PKNOX1: variants seen among roughly 807,000 people sequenced by gnomAD.
The protein encoded by PKNOX1 is homeobox protein PKNOX1.
In PKNOX1, 15 loss-of-function variants were observed where a neutral mutation model predicts 51.9. That is an observed-to-expected ratio of 0.29 (90% CI 0.19 to 0.45). The LOEUF (loss-of-function observed/expected upper bound fraction) is 0.45. Among genes scored for constraint, PKNOX1 ranks in the 20% least tolerant of loss-of-function variants. PKNOX1 has a pLI of 1.00. For missense variants in PKNOX1, 462 were observed against 547.5 expected (o/e 0.84, Z 1.56); for synonymous variants, 219 against 211.1 (o/e 1.04, Z -0.32).
intron 9 of PKNOX1, among the ~76,000 whole-genome samples, chr21:43,026,616 G>A (rs563385316): frequency 4.6e-5 from 7 of 152,294 alleles, no homozygotes; most frequent in South Asian, 2.1e-4. Context: ...AATTAGCTGC[G>A]TGTGGTGGTG....
intron 1 of PKNOX1, among the ~76,000 whole-genome samples, chr21:42,986,866 G>C (rs538619670): frequency 6.6e-6 from 1 of 152,222 alleles, no homozygotes; most frequent in African/African-American, 2.4e-5. Flanking sequence ...AATTACCCTA[G>C]AATTTCCAGT....
At chr21:43,020,543 G>A (rs1022937627) in intron 7 of PKNOX1, 2 of 152,272 alleles carry the variant, frequency 1.3e-5, no homozygotes, top group Non-Finnish European at 1.5e-5. Context: ...GGTGACAGGA[G>A]GGAAGGTCCG....
intron 6 of PKNOX1, 33 bp downstream of exon 6, chr21:43,017,040 T>C: frequency 6.9e-7 from 1 of 1,441,766 alleles, no homozygotes; most frequent in East Asian, 2.3e-5. Flanking sequence ...ACACTCTCCA[T>C]GAGTTTTTGC....
chr21:42,986,483 C>T (rs922136513), intron 1 of PKNOX1, among the ~76,000 whole-genome samples: 1 of 151,918 alleles, frequency 6.6e-6, no homozygotes, highest in African/African-American at 2.4e-5. Flanking sequence ...CCTGGGTGAC[C>T]GAGTGAGACT....
chr21:42,984,083 C>CGTGTGT (rs61381629), intron 1 of PKNOX1, among the ~76,000 whole-genome samples: 3 of 149,716 alleles, frequency 2.0e-5, no homozygotes, highest in African/African-American at 7.4e-5. Flanking sequence ...CGTGTGTGTG[C>CGTGTGT]GTGTGTGTGT....
chr21:43,021,138 G>A lies in PKNOX1; in HGVS notation c.721-165G>A, dbSNP rs1601300060. 2 of 496,386 alleles carry A rather than the reference G, an allele frequency of 4.0e-6. No individual in the cohort carries two copies. The highest frequency in any genetic ancestry group is 7.2e-5 in the East Asian group (2 of 27,858). The allele number at this position is 496,386 out of a possible 1,614,324, so 30.7% of individuals were successfully genotyped here. A position where few individuals can be genotyped will look rare whatever the true frequency, so the allele number is the denominator to read the frequency against. On this transcript the variant is annotated intron_variant, in intron 7 of 10. Transcript: ENST00000291547. The surrounding 1 kb of genome is among the most constrained non-coding windows in gnomAD (Gnocchi z 4.6). Reference sequence around the variant, plus strand: ...AAAAGAAAGGCTGGTCATGTGGAGGGAGCCGTGTCCTGAAACATCAGTCCA... The same window carrying A: ...AAAAGAAAGGCTGGTCATGTGGAGGAAGCCGTGTCCTGAAACATCAGTCCA...
rs1555862658 is a variant in PKNOX1 at position 43,018,469 on chromosome 21, G to GCGCCCCCCCCCCCCCCCCC, written c.720+240_720+241insGCCCCCCCCCCCCCCCCCC. 1.8e-4 allele frequency among the ~76,000 whole-genome samples: 2 copies of GCGCCCCCCCCCCCCCCCCC among 11,046 alleles called. 1 individual carries two copies. Among genetic ancestry groups the GCGCCCCCCCCCCCCCCCCC allele is most frequent in the Non-Finnish European group, 3.8e-4 (2 of 5,284 alleles). The allele number at this position is 11,046 out of a possible 152,430, so 7.2% of individuals were successfully genotyped here. ...AAAAAGTCACTCATAACCACCCCCT[G>GCGCCCCCCCCCCCCCCCCC]CCACCCACACACACACACACACACA... On this transcript the variant is annotated intron_variant, in intron 7 of 10. Transcript: ENST00000291547.
At chr21:42,988,147 G>A (rs938210183) in intron 1 of PKNOX1, among the ~76,000 whole-genome samples, 1 of 151,852 alleles carries the variant, frequency 6.6e-6, no homozygotes, top group African/African-American at 2.4e-5. Context: ...TCTGCCTCCC[G>A]GGTTCAAGTG....
intron 7 of PKNOX1, chr21:43,020,656 C>T (rs1438960950): frequency 6.5e-6 from 1 of 152,918 alleles, no homozygotes; most frequent in South Asian, 2.1e-4. Flanking sequence ...TTTCTTTCCC[C>T]TCTGCTCCCC....
At chr21:43,009,923 C>G (rs183800967) in intron 3 of PKNOX1, 130 bp from the exon 4 acceptor site, 9 of 493,402 alleles carry the variant, frequency 1.8e-5, no homozygotes, top group African/African-American at 1.6e-4. Flanking sequence ...ATACTTTCAA[C>G]GGGTGGACCG....
At chr21:43,000,746 G>A (rs1422405972) in intron 1 of PKNOX1, among the ~76,000 whole-genome samples, 1 of 152,162 alleles carries the variant, frequency 6.6e-6, no homozygotes, top group Non-Finnish European at 1.5e-5. Context: ...AAGCCAGCAT[G>A]GTGGTGTGGG....
At chr21:43,028,941 G>T (rs940717580) in intron 10 of PKNOX1, 67 bp downstream of exon 10, 1 of 1,473,234 alleles carries the variant, frequency 6.8e-7, no homozygotes. Context: ...AAGAGGCCTG[G>T]ATCAGGCCTG....
chr21:43,025,656 T>C (rs1979956484), intron 9 of PKNOX1, among the ~76,000 whole-genome samples: 1 of 152,226 alleles, frequency 6.6e-6, no homozygotes, highest in African/African-American at 2.4e-5. Flanking sequence ...TTTTGGTTAT[T>C]AGTCACTTGT....
At chr21:43,028,409 T>A (rs1980075070) in intron 9 of PKNOX1, among the ~76,000 whole-genome samples, 1 of 151,582 alleles carries the variant, frequency 6.6e-6, no homozygotes, top group African/African-American at 2.4e-5. Context: ...TATGTCGTTA[T>A]GAGTATCTAG....
chr21:42,974,687 C>A, intron 1 of PKNOX1, 23 bp downstream of exon 1: 1 of 161,858 alleles, frequency 6.2e-6, no homozygotes, highest in Non-Finnish European at 1.3e-5. Flanking sequence ...TCAACCGCTC[C>A]GCCGCCGCCG....
intron 1 of PKNOX1, among the ~76,000 whole-genome samples, chr21:42,999,673 G>T (rs1978662048): frequency 6.6e-6 from 1 of 151,946 alleles, no homozygotes; most frequent in African/African-American, 2.4e-5. Flanking sequence ...TAGAGACGGG[G>T]TTTCTCCATG....
At chr21:43,017,880 C>A in intron 6 of PKNOX1, 1 of 340,624 alleles carries the variant, frequency 2.9e-6, no homozygotes, top group Non-Finnish European at 5.4e-6. Context: ...GATTAAAAAG[C>A]TCATCAAACC....
At chr21:42,993,169 G>C (rs1360264884) in intron 1 of PKNOX1, among the ~76,000 whole-genome samples, 3 of 152,148 alleles carry the variant, frequency 2.0e-5, no homozygotes, top group Admixed American at 6.5e-5. Flanking sequence ...TGTCTCGATG[G>C]GAGAAATGCC....
chr21:43,004,578 AG>A, intron 2 of PKNOX1, 146 bp downstream of exon 2: 1 of 495,538 alleles, frequency 2.0e-6, no homozygotes, highest in Non-Finnish European at 3.5e-6. Context: ...ATTCGTGTTC[AG>A]AAAAAAAGCC....
Sources: allele counts gnomAD v4.1 joint callset (sites outside exome capture counted in the v4.1 genomes callset), GRCh38; gene constraint gnomAD v4.1.1; non-coding constraint Gnocchi (gnomAD v3.1); transcripts MANE v1.5; gene names NCBI Gene and HGNC (gene_info 2026-07-23, HGNC 2026-07-21).